Variants in PFAS observed in about 807,000 individuals in gnomAD.
The protein encoded by PFAS is FGAM synthase.
PFAS carries 97 observed loss-of-function variants against 140.6 expected under a neutral mutation model. The ratio of observed to expected loss-of-function variants is 0.69; its 90% confidence interval spans 0.59 to 0.82. The LOEUF is 0.82. PFAS is among the 40% of genes least tolerant of loss of function. The probability of loss-of-function intolerance (pLI) is 0.00; values close to 1 mark genes in which losing one functional copy is unlikely to be tolerated. For synonymous variants in PFAS, 679 were observed against 718.8 expected (o/e 0.94, Z 0.88); for missense variants, 1,656 against 1,780.2 (o/e 0.93, Z 1.26).
Position 8,256,980 on chromosome 17 carries a change from C to T in PFAS, c.1075+17C>T, listed in dbSNP as rs757684389. Reference sequence around the variant, plus strand: ...ATATTCCAGGTTCCATCTCCTTCCTCTCTATCCACCTTCCCTTCCAGATTC... The same window carrying T: ...ATATTCCAGGTTCCATCTCCTTCCTTTCTATCCACCTTCCCTTCCAGATTC... On this transcript the variant is annotated intron_variant, in intron 9 of 27. Coordinates refer to ENST00000314666, the MANE Select transcript of PFAS (RefSeq NM_012393.3). 1.2e-6 allele frequency: 2 copies of T among 1,613,688 alleles called. No homozygotes were observed. The highest frequency in any genetic ancestry group is 4.5e-5 in the East Asian group (2 of 44,896).
In PFAS at chr17:8,257,921, G is replaced by T; in HGVS notation, c.1190G>T (p.Gly397Val). 6.2e-7 allele frequency: 1 copy of T among 1,614,178 alleles called. No homozygotes were observed. The highest frequency in any genetic ancestry group is 1.1e-5 in the South Asian group (1 of 91,088). Residue 397 changes from glycine to valine, a missense_variant, in exon 10 of 28, where the codon GGG (glycine) becomes GTG (valine). Transcript: ENST00000314666. ...GCTTCTGACTATGGCAACAAGTTTGGGGAACCAGTGCTGGCTGGTGAGGCT... is the reference window on the plus strand; with the variant it reads ...GCTTCTGACTATGGCAACAAGTTTGTGGAACCAGTGCTGGCTGGTGAGGCT... ...NGASDYGNKFGEPVLAGFARS... is the reference protein window; with the variant it reads ...NGASDYGNKFVEPVLAGFARS...
In PFAS at chr17:8,253,998, C is replaced by A. The variant is rs1048606410; in HGVS notation, c.61C>A (p.His21Asn). 6.2e-7 allele frequency: 1 copy of A among 1,614,136 alleles called. No homozygotes were observed. Residue 21 changes from histidine to asparagine, a missense_variant, in exon 2 of 28, where the codon CAC becomes AAC. Around this residue, in one of 2 missense-constraint regions of PFAS, gnomAD observed 773 missense variants for 757.3 expected, o/e 1.02. Coordinates refer to ENST00000314666, the MANE Select transcript of PFAS (RefSeq NM_012393.3). ...PSGHEGAAPG[H>N]TRRKLQGKLP... ...TGGCCATGAGGGGGCAGCCCCTGGA[C>A]ACACTCGGAGGAAACTGCAAGGGAA...
chr17:8,247,780 G>C, upstream of PFAS: 1 of 583,142 alleles, frequency 1.7e-6, no homozygotes, highest in East Asian at 3.0e-5. Context: ...ACCCTAGAGA[G>C]TGAACGGAGA....
chr17:8,266,697 C>T lies in PFAS; in HGVS notation c.2822-56C>T, dbSNP rs369770257. On this transcript the variant is annotated intron_variant, in intron 22 of 27. Transcript: ENST00000314666. The surrounding 1 kb of genome is among the most constrained non-coding windows in gnomAD (Gnocchi z 5.0). ...CCCTTCCTGCATTTCCCTGATCCCG[C>T]CCCAACTCCCTTGGCCCTTCTTGCA... 79 of 1,550,250 alleles carry T rather than the reference C, an allele frequency of 5.1e-5. 1 individual carries two copies. In the Middle Eastern group the frequency reaches 1.5e-3, roughly 29 times the overall value.
intron 17 of PFAS, 109 bp from the exon 18 acceptor site, chr17:8,264,786 A>C (rs1255367401): frequency 1.5e-5 from 15 of 998,378 alleles, no homozygotes; most frequent in Non-Finnish European, 2.2e-5. Context: ...TGTTGTCTGC[A>C]TTGGGGGAAA....
chr17:8,253,053 G>A (rs776209526), intron 1 of PFAS, among the ~76,000 whole-genome samples: 63 of 152,210 alleles, frequency 4.1e-4, no homozygotes, highest in Non-Finnish European at 8.5e-4. Flanking sequence ...TGAGGATTAG[G>A]GTTTCAATAT....
chr17:8,253,453 T>G (rs971617820), intron 1 of PFAS, among the ~76,000 whole-genome samples: 12 of 152,220 alleles, frequency 7.9e-5, no homozygotes, highest in African/African-American at 2.7e-4. Flanking sequence ...ATGTCCATAT[T>G]ACTTTCCCCT....
rs938416583 is a variant in PFAS, at chr17:8,269,391, G to T, written c.*127G>T. ...ATCTTGGACAGACAAGGACCAAAAT[G>T]CCAAAATCTCAGCGGACTCGATAAT... On this transcript the variant is annotated 3_prime_UTR_variant, in exon 28 of 28. Transcript: ENST00000314666. The T allele has an allele frequency of 1.5e-6, 1 of 659,110 alleles. No individual in the cohort carries two copies. Among genetic ancestry groups the T allele is most frequent in the East Asian group, 2.7e-5 (1 of 36,386 alleles). 40.8% of individuals were successfully genotyped at this position (659,110 alleles called of 1,614,324 possible).
intron 15 of PFAS, 130 bp from the exon 16 acceptor site, chr17:8,264,082 G>A: frequency 6.9e-7 from 1 of 1,452,156 alleles, no homozygotes; most frequent in Non-Finnish European, 9.6e-7. Flanking sequence ...TTGGATCCAA[G>A]GAGGGGCAGG....
At chr17:8,247,790 A>G, upstream of PFAS, 1 of 591,804 alleles carries the variant, frequency 1.7e-6, no homozygotes, top group African/African-American at 1.9e-5. Flanking sequence ...GTGAACGGAG[A>G]CCAGTTTAAG....
At chr17:8,251,767 G>A (rs1016771390) in intron 1 of PFAS, among the ~76,000 whole-genome samples, 3 of 148,870 alleles carry the variant, frequency 2.0e-5, no homozygotes, top group Middle Eastern at 3.5e-3. Context: ...TGCTTCCCAG[G>A]TTCCAGTGAT....
At chr17:8,259,256 T>G (rs1336509526) in intron 11 of PFAS, among the ~76,000 whole-genome samples, 1 of 152,112 alleles carries the variant, frequency 6.6e-6, no homozygotes, top group Non-Finnish European at 1.5e-5. Flanking sequence ...ATCTGCATTT[T>G]CTTTCTCAAG....
rs764528680 is a variant in PFAS at position 8,264,518 on chromosome 17, C to T, written c.1966C>T (p.Pro656Ser). 3.1e-6 allele frequency: 5 copies of T among 1,613,270 alleles called. No individual in the cohort carries two copies. Among genetic ancestry groups the T allele is most frequent in the Non-Finnish European group, 3.4e-6 (4 of 1,179,642 alleles). ...KPPMLQPLAL[P>S]PGLSVHQALE... The stretch of plus-strand genomic sequence containing the variant: ...CCCCATGCTGCAGCCTCTGGCCTTG[C>T]CCCCAGGGCTGAGCGTGCACCAGGC... Residue 656 changes from proline (P) to serine (S), a missense_variant, in exon 17 of 28, where the codon CCC (proline) becomes TCC (serine). Coordinates refer to ENST00000314666, the MANE Select transcript of PFAS (RefSeq NM_012393.3).
At position 8,267,121 on chromosome 17, in the gene PFAS, C is replaced by G. The variant is rs745737551; in HGVS notation, c.3061C>G (p.Leu1021Val). Residue 1021 changes from leucine to valine, a missense_variant, in exon 24 of 28, where the codon CTA (leucine) becomes GTA (valine). Leu to Val is a conservative substitution (Grantham distance 32). Coordinates refer to ENST00000314666, the MANE Select transcript of PFAS (RefSeq NM_012393.3). This position sits in a 1 kb window ranked among gnomAD's most constrained non-coding sequence, Gnocchi z 4.9. ...GGAGACGAGTTTCCAGCTGGACCGG[C>G]TACAGGCAGAGCCTCGCTGTGTGGC... is the stretch of plus-strand genomic sequence containing the variant. ...WEETSFQLDR[L>V]QAEPRCVAEE... 6.2e-7 allele frequency: 1 copy of G among 1,613,360 alleles called. No homozygotes were observed. The highest frequency in any genetic ancestry group is 1.1e-5 in the South Asian group (1 of 90,996).
chr17:8,263,780 G>A lies in PFAS; in HGVS notation c.1635G>A (p.Gly545=), dbSNP rs770356774. ...TCCCCGCCGTGGCTGTGCAGCTTGG[G>A]GACCCAACCCTGAATGCCCTGGAAA... ...AIIYTSRFQL[G]DPTLNALEIW... is the part of the protein sequence containing the mutation. The change falls in exon 15 of 28, where the codon GGG becomes GGA. Residue 545 remains glycine, a synonymous_variant. Coordinates refer to ENST00000314666, the MANE Select transcript of PFAS (RefSeq NM_012393.3). 2 of 1,613,304 alleles carry A rather than the reference G, an allele frequency of 1.2e-6. No homozygotes were observed. Among genetic ancestry groups the A allele is most frequent in the East Asian group, 4.5e-5 (2 of 44,868 alleles).
At chr17:8,260,189 A>G (rs372193007) in intron 11 of PFAS, among the ~76,000 whole-genome samples, 2 of 124,396 alleles carry the variant, frequency 1.6e-5, no homozygotes, top group South Asian at 2.5e-4. Flanking sequence ...TGTAGTATAC[A>G]TACAATAATG....
chr17:8,248,072 G>A, upstream of PFAS: 15 of 1,490,104 alleles, frequency 1.0e-5, no homozygotes, highest in Non-Finnish European at 1.4e-5. Flanking sequence ...AGGGGCAGGT[G>A]CTCGCTTGGG....
At chr17:8,252,398 G>A (rs765275008) in intron 1 of PFAS, among the ~76,000 whole-genome samples, 1 of 151,950 alleles carries the variant, frequency 6.6e-6, no homozygotes, top group Non-Finnish European at 1.5e-5. Flanking sequence ...ATCCTTTTTT[G>A]TTTGTTTGTT....
chr17:8,257,961 T>A (rs756067693), intron 10 of PFAS, 23 bp downstream of exon 10: 14 of 1,613,412 alleles, frequency 8.7e-6, no homozygotes, highest in Middle Eastern at 1.7e-4. Flanking sequence ...TGTGGAGGGA[T>A]GACAAACACC....
Sources: gnomAD v4.1 joint callset for allele counts (sites outside exome capture counted in the v4.1 genomes callset) on GRCh38, gnomAD v4.1.1 for gene constraint, gnomAD v4.1.1 regional missense constraint, Gnocchi (gnomAD v3.1) non-coding constraint, MANE v1.5 for transcripts, NCBI Gene and HGNC (gene_info 2026-07-23, HGNC 2026-07-21) for gene names.